Variants in C1orf21 observed in about 807,000 individuals in gnomAD.
The protein encoded by C1orf21 is chromosome 1 open reading frame 21.
Under a neutral mutation model 18.7 loss-of-function variants are expected in C1orf21, and 3 were observed. The observed-to-expected ratio is 0.16, with a 90% confidence interval of 0.07 to 0.42. The LOEUF (loss-of-function observed/expected upper bound fraction) is 0.42, where lower values mean the gene tolerates loss of function less well. Among genes scored for constraint, C1orf21 ranks in the 10% least tolerant of loss-of-function variants. The probability of loss-of-function intolerance (pLI) is 0.99; values close to 1 mark genes in which losing one functional copy is unlikely to be tolerated. For synonymous variants in C1orf21, 41 were observed against 46.4 expected (o/e 0.88, Z 0.47); for missense variants, 104 against 143.6 (o/e 0.72, Z 1.41).
intron 1 of C1orf21, among the ~76,000 whole-genome samples, chr1:184,407,437 T>G (rs1440475703): frequency 1.3e-5 from 2 of 152,228 alleles, no homozygotes. Flanking sequence ...TGGTAACATG[T>G]AATGTGAAAA....
rs552637896 is a variant in C1orf21, at chr1:184,498,344, T to C, written c.95-9244T>C. On this transcript the variant is annotated intron_variant, in intron 2 of 5. Transcript: ENST00000235307. Reference sequence around the variant, plus strand: ...GATGCGCATAAAGATCATTAAGATATATTTCTTCCTTAAGACATGCATCCA... The same window carrying C: ...GATGCGCATAAAGATCATTAAGATACATTTCTTCCTTAAGACATGCATCCA... Among the ~76,000 whole-genome samples the C allele has an allele frequency of 3.3e-5, 5 of 152,368 alleles. 1 individual carries two copies. In the South Asian group the frequency reaches 1.0e-3, roughly 32 times the overall value.
chr1:184,619,330 G>GTATA (rs766853801), intron 5 of C1orf21, among the ~76,000 whole-genome samples, 188 bp from the exon 6 acceptor site: 1 of 152,178 alleles, frequency 6.6e-6, no homozygotes, highest in Non-Finnish European at 1.5e-5. Context: ...ATGCCTTGAA[G>GTATA]TATATATAGC....
chr1:184,584,510 G>C (rs556302613), intron 3 of C1orf21, among the ~76,000 whole-genome samples: 1 of 152,286 alleles, frequency 6.6e-6, no homozygotes, highest in Non-Finnish European at 1.5e-5. Context: ...AAACAGTTTG[G>C]AAGGTCTTAA....
chr1:184,487,848 C>T (rs537161502), intron 2 of C1orf21, among the ~76,000 whole-genome samples: 52 of 152,156 alleles, frequency 3.4e-4, no homozygotes, highest in Non-Finnish European at 7.3e-4. Flanking sequence ...TAGTACTTGC[C>T]TGCCTTCATA....
intron 3 of C1orf21, among the ~76,000 whole-genome samples, chr1:184,556,596 C>G (rs1485122436): frequency 1.3e-5 from 2 of 152,094 alleles, no homozygotes; most frequent in African/African-American, 4.8e-5. Flanking sequence ...TTTATGTGGT[C>G]AAATAATGAT....
intron 3 of C1orf21, among the ~76,000 whole-genome samples, chr1:184,513,381 T>C (rs1296791706): frequency 6.6e-6 from 1 of 152,228 alleles, no homozygotes; most frequent in Admixed American, 6.5e-5. Flanking sequence ...GATTAATGAC[T>C]GGGATTCAGA....
intron 2 of C1orf21, among the ~76,000 whole-genome samples, chr1:184,503,526 A>G (rs973572613): frequency 6.6e-6 from 1 of 152,114 alleles, no homozygotes; most frequent in African/African-American, 2.4e-5. Flanking sequence ...ACATCCCTGC[A>G]TCGCTTAGTA....
chr1:184,527,271 T>G (rs1159089828), intron 3 of C1orf21, among the ~76,000 whole-genome samples: 1 of 152,202 alleles, frequency 6.6e-6, no homozygotes, highest in African/African-American at 2.4e-5. Flanking sequence ...GTGTGGCAGC[T>G]ATGCTTAGAA....
At position 184,455,001 on chromosome 1, in the gene C1orf21, T is replaced by C. The variant is rs148172154; in HGVS notation, c.-124-22385T>C. On this transcript the variant is annotated intron_variant, in intron 1 of 5. Transcript: ENST00000235307. The stretch of plus-strand genomic sequence containing the variant: ...GAGTCTTTGACTAGAGTTCATTGAA[T>C]CCACATGTTGCATGTGAAAAGAAGG... 2.1e-3 allele frequency among the ~76,000 whole-genome samples: 318 copies of C among 152,260 alleles called. 1 individual carries two copies. Among genetic ancestry groups the C allele is most frequent in the African/African-American group, 6.3e-3 (261 of 41,550 alleles).
chr1:184,512,118 A>G (rs1204568359), intron 3 of C1orf21, among the ~76,000 whole-genome samples: 2 of 152,210 alleles, frequency 1.3e-5, no homozygotes, highest in Non-Finnish European at 1.5e-5. Context: ...CTGTGCCCAC[A>G]GGAGGCTTTG....
rs114099003 is a variant in C1orf21, at chr1:184,525,493, G to A, written c.189+17811G>A. On this transcript the variant is annotated intron_variant, in intron 3 of 5. Transcript: ENST00000235307. ...CTGAGAAATATTGGCTTGGGGTTCC[G>A]ACTGTATAATCAAAAGCCATATCAA... Among the ~76,000 whole-genome samples, 270 of 152,032 alleles carry A rather than the reference G, an allele frequency of 1.8e-3. 3 individuals carry two copies. Among genetic ancestry groups the A allele is most frequent in the Middle Eastern group, 6.8e-3 (2 of 294 alleles).
chr1:184,537,819 T>C (rs1041387006), intron 3 of C1orf21, among the ~76,000 whole-genome samples: 6 of 152,020 alleles, frequency 3.9e-5, no homozygotes. Flanking sequence ...CCGGCTAATT[T>C]TGTATTATTA....
chr1:184,606,632 AAAAAAAATTTAGG>A (rs1041061760), intron 5 of C1orf21, among the ~76,000 whole-genome samples: 1 of 151,980 alleles, frequency 6.6e-6, no homozygotes, highest in African/African-American at 2.4e-5. Flanking sequence ...TAACAACAAC[AAAAAAAATTTAGG>A]AAAGGGGCTC....
rs1170778613 is a variant in C1orf21 at position 184,549,607 on chromosome 1, G to GT, written c.190-41122dup. Among the ~76,000 whole-genome samples the GT allele has an allele frequency of 9.9e-3, 1,469 of 148,464 alleles. 24 individuals are homozygous for GT. The highest frequency in any genetic ancestry group is 0.033 in the African/African-American group (1,345 of 40,630). ...TTCCCTATGATATAACATCTTTTGA[G>GT]TTTTTTTTTTCTTTTTGTTTGATTG... On this transcript the variant is annotated intron_variant, in intron 3 of 5. Transcript: ENST00000235307.
At chr1:184,562,054 T>C (rs1658974837) in intron 3 of C1orf21, among the ~76,000 whole-genome samples, 1 of 152,232 alleles carries the variant, frequency 6.6e-6, no homozygotes, top group Non-Finnish European at 1.5e-5. Context: ...GTTTCATTGT[T>C]GCCAACTGCA....
chr1:184,583,037 C>G (rs1659298733), intron 3 of C1orf21, among the ~76,000 whole-genome samples: 1 of 152,146 alleles, frequency 6.6e-6, no homozygotes, highest in Non-Finnish European at 1.5e-5. Flanking sequence ...AGGGATTTCA[C>G]CATGTTGGCC....
intron 5 of C1orf21, among the ~76,000 whole-genome samples, chr1:184,606,029 C>T (rs1228242552): frequency 2.0e-5 from 3 of 152,160 alleles, no homozygotes; most frequent in Non-Finnish European, 4.4e-5. Context: ...GTAGTAGAAT[C>T]GCACAGTTTC....
chr1:184,467,180 A>G (rs1362365484), intron 1 of C1orf21, among the ~76,000 whole-genome samples: 1 of 152,224 alleles, frequency 6.6e-6, no homozygotes, highest in Non-Finnish European at 1.5e-5. Flanking sequence ...AAGCCGTCTC[A>G]TCTCTTCATG....
chr1:184,426,321 TC>T (rs1397569242), intron 1 of C1orf21, among the ~76,000 whole-genome samples: 2 of 152,194 alleles, frequency 1.3e-5, no homozygotes, highest in Non-Finnish European at 2.9e-5. Flanking sequence ...CTGGTGGTCT[TC>T]TACCTTCTCC....
Sources: gnomAD v4.1 joint callset for allele counts (sites outside exome capture counted in the v4.1 genomes callset) on GRCh38, gnomAD v4.1.1 for gene constraint, MANE v1.5 for transcripts, NCBI Gene and HGNC (gene_info 2026-07-23, HGNC 2026-07-21) for gene names.